The following MAP7 variants were observed in gnomAD, a reference collection of about 807,000 sequenced individuals.
MAP7 encodes the protein microtubule associated protein 7.
A neutral mutation model predicts 94.8 loss-of-function variants in MAP7; 52 were observed. The ratio of observed to expected loss-of-function variants is 0.55; its 90% CI spans 0.44 to 0.69. The LOEUF (loss-of-function observed/expected upper bound fraction) is 0.69. Among genes scored for constraint, MAP7 ranks in the 30% least tolerant of loss-of-function variants. The pLI is 0.00. For missense variants in MAP7, 940 were observed against 964.6 expected (o/e 0.97, Z 0.34); for synonymous variants, 350 against 357.0 (o/e 0.98, Z 0.22).
Position 136,347,605 on chromosome 6 carries a change from C to T in MAP7, c.2016-1526G>A, listed in dbSNP as rs1321843561. Among the ~76,000 whole-genome samples, 8 of 152,132 alleles carry T rather than the reference C, an allele frequency of 5.3e-5. No homozygotes were observed. In the East Asian group the frequency reaches 9.7e-4, roughly 18 times the overall value. ...ATTTTTAGTAGAGAAAGGGTTTCTT[C>T]GTGTTGGCCAGGATGGTCTCGAACT... On this transcript the variant is annotated intron_variant, in intron 16 of 17. Coordinates refer to ENST00000354570, the MANE Select transcript of MAP7 (RefSeq NM_003980.6).
chr6:136,424,232 T>C (rs1228059474), intron 1 of MAP7, among the ~76,000 whole-genome samples: 1 of 151,818 alleles, frequency 6.6e-6, no homozygotes, highest in Non-Finnish European at 1.5e-5. Flanking sequence ...GAAGATAGGA[T>C]TGTATATACC....
chr6:136,429,586 A>G (rs982446947), intron 1 of MAP7, among the ~76,000 whole-genome samples: 2 of 152,202 alleles, frequency 1.3e-5, no homozygotes, highest in African/African-American at 2.4e-5. Context: ...GAGGAAAAGG[A>G]TATTTCAGAA....
intron 1 of MAP7, among the ~76,000 whole-genome samples, chr6:136,546,379 T>A (rs1238005855): frequency 7.1e-6 from 1 of 140,984 alleles, no homozygotes. Flanking sequence ...CCCCCACTAC[T>A]CTTCTCAGCC....
At chr6:136,531,203 C>T (rs1828455382) in intron 1 of MAP7, among the ~76,000 whole-genome samples, 1 of 144,708 alleles carries the variant, frequency 6.9e-6, no homozygotes, top group Non-Finnish European at 1.5e-5. Context: ...AGACTGTCCT[C>T]TCTTCTCACG....
chr6:136,493,121 C>CTTTTTTTTTTTTT (rs397795796), intron 1 of MAP7, among the ~76,000 whole-genome samples: 7 of 123,328 alleles, frequency 5.7e-5, no homozygotes, highest in South Asian at 2.5e-4. Context: ...TTCTTCTTTC[C>CTTTTTTTTTTTTT]TTTTTTTTTT....
chr6:136,532,267 C>T (rs1368836564), intron 1 of MAP7, among the ~76,000 whole-genome samples: 3 of 152,064 alleles, frequency 2.0e-5, no homozygotes, highest in African/African-American at 7.2e-5. Context: ...TTTACTGGTC[C>T]TCATACTACA....
At chr6:136,383,845 C>T (rs1318170107) in intron 5 of MAP7, 64 bp from the exon 6 acceptor site, 4 of 953,296 alleles carry the variant, frequency 4.2e-6, no homozygotes, top group Non-Finnish European at 6.7e-6. Context: ...TCCTAGTTCA[C>T]TGATGGAAGG....
Position 136,355,325 on chromosome 6 carries a change from TA to T in MAP7, c.2015+1366del, listed in dbSNP as rs576891756. Among the ~76,000 whole-genome samples the T allele has an allele frequency of 2.8e-3, 419 of 151,862 alleles. 3 individuals are homozygous for T. Among genetic ancestry groups the T allele is most frequent in the African/African-American group, 9.7e-3 (401 of 41,464 alleles). ...CATAATAAGTTTTAGGGAATGAATTTAAAAAATCTAATTAAAACTAAGAAAA... is the reference window on the plus strand; with the variant it reads ...CATAATAAGTTTTAGGGAATGAATTTAAAAATCTAATTAAAACTAAGAAAA... On this transcript the variant is annotated intron_variant, in intron 16 of 17. Coordinates refer to ENST00000354570, the MANE Select transcript of MAP7 (RefSeq NM_003980.6).
At chr6:136,516,923 T>C (rs3778314) in intron 1 of MAP7, among the ~76,000 whole-genome samples, 17,267 of 150,420 alleles carry the variant, frequency 0.11, 2,459 homozygotes, top group African/African-American at 0.34. Flanking sequence ...CTCACATACA[T>C]GCACACGAGC....
intron 1 of MAP7, among the ~76,000 whole-genome samples, chr6:136,535,336 C>T (rs1828793218): frequency 3.3e-5 from 5 of 152,266 alleles, no homozygotes; most frequent in Admixed American, 3.3e-4. Context: ...CAGCAGAAGC[C>T]GAGCAGATGT....
intron 3 of MAP7, among the ~76,000 whole-genome samples, chr6:136,396,525 C>G (rs1424094472): frequency 1.8e-4 from 28 of 152,130 alleles, no homozygotes; most frequent in Admixed American, 1.8e-3. Context: ...TTCCTCCTTT[C>G]CAATTTAGAT....
rs575970692 is a variant in MAP7, at chr6:136,364,354, G to C, written c.1273+1381C>G. On this transcript the variant is annotated intron_variant, in intron 10 of 17. Coordinates refer to ENST00000354570, the MANE Select transcript of MAP7 (RefSeq NM_003980.6). The stretch of plus-strand genomic sequence containing the variant: ...GCTCGTGGACCTGCACCAGCAGAAG[G>C]TCCTGCCCCCTCCACCAATGCTGTT... 6.1e-5 allele frequency: 26 copies of C among 426,354 alleles called. 1 individual carries two copies. In the East Asian group the frequency reaches 1.6e-3, roughly 26 times the overall value. 26.4% of individuals were successfully genotyped at this position (426,354 alleles called of 1,614,324 possible).
intron 1 of MAP7, among the ~76,000 whole-genome samples, chr6:136,532,637 T>A (rs1357638824): frequency 1.3e-5 from 2 of 151,764 alleles, no homozygotes. Context: ...TTTTTTTTTT[T>A]AATCTCTAGA....
At chr6:136,377,544 C>T (rs1243898032) in intron 7 of MAP7, among the ~76,000 whole-genome samples, 3 of 152,208 alleles carry the variant, frequency 2.0e-5, no homozygotes, top group Non-Finnish European at 4.4e-5. Context: ...GGAGAGGCTT[C>T]ATCAGCCTGC....
At chr6:136,413,446 C>T (rs758668580) in intron 2 of MAP7, among the ~76,000 whole-genome samples, 18 of 150,924 alleles carry the variant, frequency 1.2e-4, no homozygotes, top group South Asian at 4.2e-4. Flanking sequence ...CGCTTGAATC[C>T]GGGAGGTGGA....
chr6:136,433,543 T>C (rs1188153164), intron 1 of MAP7, among the ~76,000 whole-genome samples: 3 of 152,250 alleles, frequency 2.0e-5, no homozygotes, highest in Non-Finnish European at 4.4e-5. Context: ...TTTGCTTTCC[T>C]GGTACATAGC....
intron 1 of MAP7, among the ~76,000 whole-genome samples, chr6:136,487,332 T>A (rs964726379): frequency 1.3e-5 from 2 of 152,152 alleles, no homozygotes; most frequent in African/African-American, 4.8e-5. Context: ...AAGACCAGAA[T>A]AATAAATACC....
intron 1 of MAP7, among the ~76,000 whole-genome samples, chr6:136,490,631 C>T (rs141177065): frequency 2.0e-5 from 3 of 152,308 alleles, no homozygotes; most frequent in African/African-American, 7.2e-5. Context: ...AAAATGGGAT[C>T]CCTCAGGTAC....
At chr6:136,376,004 C>A (rs544145492) in intron 7 of MAP7, among the ~76,000 whole-genome samples, 1 of 152,264 alleles carries the variant, frequency 6.6e-6, no homozygotes, top group African/African-American at 2.4e-5. Flanking sequence ...AATTTCCCAG[C>A]TGTGAGGCAG....
Sources: gnomAD v4.1 joint callset for allele counts (sites outside exome capture counted in the v4.1 genomes callset) on GRCh38, gnomAD v4.1.1 for gene constraint, MANE v1.5 for transcripts, NCBI Gene and HGNC (gene_info 2026-07-23, HGNC 2026-07-21) for gene names.